The following JAZF1 variants were observed in gnomAD, a reference collection of about 807,000 sequenced individuals.
JAZF1 encodes JAZF zinc finger 1.
A neutral mutation model predicts 26.4 loss-of-function variants in JAZF1; 8 were observed. The observed-to-expected ratio is 0.30, with a 90% CI of 0.18 to 0.55. The LOEUF (loss-of-function observed/expected upper bound fraction) is 0.55. Among genes scored for constraint, JAZF1 ranks in the 20% least tolerant of loss-of-function variants. The pLI is 0.94. For missense variants in JAZF1, 199 were observed against 322.0 expected (o/e 0.62, Z 2.92); for synonymous variants, 126 against 122.3 (o/e 1.03, Z -0.20).
rs1165964380 is a variant in JAZF1, at chr7:28,139,921, A to G, written c.115+40542T>C. Among the ~76,000 whole-genome samples, 4 of 152,200 alleles carry G rather than the reference A, an allele frequency of 2.6e-5. No individual in the cohort carries two copies. The East Asian group carries it at 7.7e-4, about 29-fold the overall frequency. ...GATAAAGTGGTGTGGAGGTATGTTTAGAGTATATGTATTTGGGGAACAGGG... is the reference window on the plus strand; with the variant it reads ...GATAAAGTGGTGTGGAGGTATGTTTGGAGTATATGTATTTGGGGAACAGGG... On this transcript the variant is annotated intron_variant, in intron 1 of 4. Coordinates refer to ENST00000283928, the MANE Select transcript of JAZF1 (RefSeq NM_175061.4).
intron 1 of JAZF1, among the ~76,000 whole-genome samples, chr7:28,131,872 T>C (rs1782799934): frequency 6.6e-6 from 1 of 152,232 alleles, no homozygotes; most frequent in African/African-American, 2.4e-5. Context: ...CGATGTATTA[T>C]TTAGAAGTGA....
chr7:28,150,214 T>C (rs1433163222), intron 1 of JAZF1, among the ~76,000 whole-genome samples: 2 of 152,136 alleles, frequency 1.3e-5, no homozygotes, highest in Non-Finnish European at 2.9e-5. Context: ...TTTGACAGAA[T>C]CTGTCATCTT....
chr7:28,179,966 C>T (rs1283013946), intron 1 of JAZF1, among the ~76,000 whole-genome samples: 1 of 142,782 alleles, frequency 7.0e-6, no homozygotes, highest in Non-Finnish European at 1.6e-5. Flanking sequence ...GCCCTGACAG[C>T]TCGAGCCGGG....
intron 3 of JAZF1, among the ~76,000 whole-genome samples, chr7:27,867,140 A>C (rs1263151944): frequency 1.3e-5 from 2 of 152,204 alleles, no homozygotes; most frequent in African/African-American, 2.4e-5. Context: ...TAGAGGGTAC[A>C]CCTACAGACA....
chr7:28,174,821 G>GGGGTGTGTGTGTGTGT (rs758961535), intron 1 of JAZF1, among the ~76,000 whole-genome samples: 1 of 107,690 alleles, frequency 9.3e-6, no homozygotes, highest in African/African-American at 2.8e-5. Flanking sequence ...GGGGTGTGTG[G>GGGGTGTGTGTGTGTGT]GTGTGTGTGT....
intron 1 of JAZF1, among the ~76,000 whole-genome samples, chr7:28,148,977 T>C (rs1783068455): frequency 6.6e-6 from 1 of 152,224 alleles, no homozygotes; most frequent in South Asian, 2.1e-4. Flanking sequence ...GCTTTACTTA[T>C]CTATTTTACT....
chr7:27,865,533 GAACC>G (rs1242533621), intron 3 of JAZF1, among the ~76,000 whole-genome samples: 2 of 152,140 alleles, frequency 1.3e-5, no homozygotes, highest in South Asian at 4.2e-4. Flanking sequence ...CTTTATAAAA[GAACC>G]AACATTTAAC....
At chr7:27,883,907 G>T (rs1302444935) in intron 3 of JAZF1, among the ~76,000 whole-genome samples, 1 of 152,202 alleles carries the variant, frequency 6.6e-6, no homozygotes, top group Non-Finnish European at 1.5e-5. Context: ...TGCTAAGGAT[G>T]AAGAATTCCG....
At chr7:28,072,543 T>A (rs929745223) in intron 1 of JAZF1, among the ~76,000 whole-genome samples, 2 of 152,134 alleles carry the variant, frequency 1.3e-5, no homozygotes, top group African/African-American at 2.4e-5. Context: ...GAGATAAGTA[T>A]CTCCAGACAT....
chr7:28,016,942 G>C (rs60129883), intron 1 of JAZF1, among the ~76,000 whole-genome samples: 1 of 152,170 alleles, frequency 6.6e-6, no homozygotes, highest in African/African-American at 2.4e-5. Context: ...ACATCACTAA[G>C]TATACATTGT....
intron 2 of JAZF1, among the ~76,000 whole-genome samples, chr7:27,922,168 GACAA>G (rs1340974583): frequency 2.0e-5 from 3 of 152,334 alleles, no homozygotes; most frequent in South Asian, 2.1e-4. Context: ...GTGCATTGAA[GACAA>G]ACAGAACAAA....
intron 1 of JAZF1, among the ~76,000 whole-genome samples, chr7:28,170,764 G>A (rs554385706): frequency 1.3e-5 from 2 of 152,254 alleles, no homozygotes; most frequent in South Asian, 2.1e-4. Context: ...AGGTGCGGAA[G>A]AGCCTTCAAT....
At chr7:27,930,426 G>A (rs546079777) in intron 2 of JAZF1, among the ~76,000 whole-genome samples, 10 of 152,276 alleles carry the variant, frequency 6.6e-5, no homozygotes, top group Middle Eastern at 3.4e-3. Context: ...AAATGTTATT[G>A]CAAACCTGAC....
intron 1 of JAZF1, among the ~76,000 whole-genome samples, chr7:28,069,221 C>T (rs550466594): frequency 1.1e-4 from 16 of 152,368 alleles, no homozygotes; most frequent in African/African-American, 3.6e-4. Flanking sequence ...GCTGCTTCCT[C>T]TTGATCTCAC....
intron 3 of JAZF1, among the ~76,000 whole-genome samples, chr7:27,845,583 G>C (rs1441257224): frequency 6.6e-6 from 1 of 151,704 alleles, no homozygotes; most frequent in African/African-American, 2.4e-5. Context: ...TGTAATCCCA[G>C]CTACTCAGGA....
intron 3 of JAZF1, chr7:27,842,748 C>T (rs1782945253): frequency 1.3e-5 from 2 of 152,214 alleles, no homozygotes; most frequent in African/African-American, 4.8e-5. Flanking sequence ...TGCTGGCGTC[C>T]TTTAACTTGC....
At chr7:27,936,375 G>A (rs1029856012) in intron 2 of JAZF1, among the ~76,000 whole-genome samples, 1 of 152,158 alleles carries the variant, frequency 6.6e-6, no homozygotes, top group African/African-American at 2.4e-5. Flanking sequence ...AGCTGCCAGT[G>A]GAATCCAGAC....
intron 2 of JAZF1, among the ~76,000 whole-genome samples, chr7:27,928,170 A>G (rs1446954032): frequency 2.0e-5 from 3 of 152,202 alleles, no homozygotes; most frequent in Non-Finnish European, 2.9e-5. Context: ...AGCTTTTGGA[A>G]GTCTGGGCCT....
intron 3 of JAZF1, among the ~76,000 whole-genome samples, chr7:27,854,056 G>A (rs553004503): frequency 1.1e-5 from 1 of 92,226 alleles, no homozygotes; most frequent in Non-Finnish European, 2.6e-5. Context: ...GCATGCTCCT[G>A]TTTTGGGTGC....
Sources: gnomAD v4.1 joint callset for allele counts (sites outside exome capture counted in the v4.1 genomes callset) on GRCh38, gnomAD v4.1.1 for gene constraint, MANE v1.5 for transcripts, NCBI Gene and HGNC (gene_info 2026-07-23, HGNC 2026-07-21) for gene names.